Variants in AGBL4 observed in about 807,000 individuals in gnomAD.
The protein encoded by AGBL4 is cytosolic carboxypeptidase 6.
AGBL4 carries 58 observed loss-of-function variants against 66.4 expected under a neutral mutation model. The ratio of observed to expected loss-of-function variants is 0.87; its 90% CI spans 0.71 to 1.09. The LOEUF (loss-of-function observed/expected upper bound fraction) is 1.09. Ranked by LOEUF, AGBL4 falls within the 50% of genes least tolerant of loss-of-function variation. The probability of loss-of-function intolerance (pLI) is 0.00; values close to 1 mark genes in which losing one functional copy is unlikely to be tolerated. For missense variants in AGBL4, 579 were observed against 631.0 expected (o/e 0.92, Z 0.88); for synonymous variants, 234 against 222.9 (o/e 1.05, Z -0.44).
At chr1:49,554,586 G>A (rs1215488592) in intron 3 of AGBL4, among the ~76,000 whole-genome samples, 1 of 152,186 alleles carries the variant, frequency 6.6e-6, no homozygotes, top group Non-Finnish European at 1.5e-5. Context: ...AAGAAAACAT[G>A]CTTGAGAGGA....
At chr1:49,829,080 A>G (rs1264079323) in intron 2 of AGBL4, among the ~76,000 whole-genome samples, 3 of 151,338 alleles carry the variant, frequency 2.0e-5, no homozygotes, top group African/African-American at 7.3e-5. Flanking sequence ...AAAAAAAAAA[A>G]AGAAAGAAAG....
At chr1:48,865,564 C>T (rs893494463) in intron 6 of AGBL4, among the ~76,000 whole-genome samples, 6 of 147,678 alleles carry the variant, frequency 4.1e-5, no homozygotes, top group African/African-American at 1.3e-4. Flanking sequence ...ATTTTTTTTT[C>T]AATCCCAAAG....
chr1:49,371,589 A>T (rs1644346375), intron 3 of AGBL4, among the ~76,000 whole-genome samples: 1 of 152,166 alleles, frequency 6.6e-6, no homozygotes, highest in Non-Finnish European at 1.5e-5. Flanking sequence ...CTTCTCTAAG[A>T]AAACACTTCT....
chr1:48,625,467 T>C (rs994747171), intron 9 of AGBL4, among the ~76,000 whole-genome samples: 3 of 152,086 alleles, frequency 2.0e-5, no homozygotes, highest in Non-Finnish European at 4.4e-5. Context: ...AGAGTTACAG[T>C]GTGTAGTGGA....
At chr1:49,426,217 A>T (rs1645655520) in intron 3 of AGBL4, among the ~76,000 whole-genome samples, 1 of 152,212 alleles carries the variant, frequency 6.6e-6, no homozygotes, top group African/African-American at 2.4e-5. Flanking sequence ...AGAAGAAATG[A>T]GTAGTGATAA....
intron 6 of AGBL4, among the ~76,000 whole-genome samples, chr1:48,676,121 G>A (rs1406269105): frequency 6.6e-6 from 1 of 152,216 alleles, no homozygotes; most frequent in Non-Finnish European, 1.5e-5. Flanking sequence ...GTATGGCCTA[G>A]GTAAGTGGCT....
intron 9 of AGBL4, among the ~76,000 whole-genome samples, chr1:48,623,621 G>A (rs867530560): frequency 9.2e-5 from 14 of 152,384 alleles, no homozygotes; most frequent in Middle Eastern, 6.8e-3. Context: ...CAGTGAATTT[G>A]TCTTGGGCTT....
intron 11 of AGBL4, among the ~76,000 whole-genome samples, chr1:48,582,853 A>G (rs947757779): frequency 2.6e-5 from 4 of 152,198 alleles, no homozygotes; most frequent in African/African-American, 9.7e-5. Flanking sequence ...GTCAGAGAGC[A>G]AAACCCTGGT....
chr1:49,305,534 C>T (rs1195689344), intron 3 of AGBL4, among the ~76,000 whole-genome samples: 1 of 152,084 alleles, frequency 6.6e-6, no homozygotes, highest in Non-Finnish European at 1.5e-5. Flanking sequence ...GAAAAAAATC[C>T]ATATATAAGT....
intron 3 of AGBL4, among the ~76,000 whole-genome samples, chr1:49,473,181 C>T (rs1462469660): frequency 2.6e-5 from 4 of 151,952 alleles, no homozygotes; most frequent in Admixed American, 6.6e-5. Flanking sequence ...TAATGAGATT[C>T]CTAAGTCGAA....
chr1:49,677,017 T>A (rs1433959901), intron 3 of AGBL4, among the ~76,000 whole-genome samples: 1 of 152,106 alleles, frequency 6.6e-6, no homozygotes. Context: ...ATATTCTTTT[T>A]TTTCTTTGTT....
At chr1:49,351,303 G>A (rs1410502042) in intron 3 of AGBL4, among the ~76,000 whole-genome samples, 2 of 152,208 alleles carry the variant, frequency 1.3e-5, no homozygotes, top group African/African-American at 4.8e-5. Flanking sequence ...CCAGTGGTCT[G>A]AATGTGGTCT....
At chr1:49,163,438 G>A (rs1231566058) in intron 4 of AGBL4, among the ~76,000 whole-genome samples, 3 of 152,232 alleles carry the variant, frequency 2.0e-5, no homozygotes, top group Admixed American at 1.3e-4. Flanking sequence ...AAAGTACTTG[G>A]TTCCTTCCTA....
At chr1:49,655,586 C>T (rs754342758) in intron 3 of AGBL4, among the ~76,000 whole-genome samples, 6 of 152,082 alleles carry the variant, frequency 3.9e-5, no homozygotes, top group Non-Finnish European at 8.8e-5. Flanking sequence ...CACTAAATGC[C>T]TACAAGAGAA....
In AGBL4 at chr1:49,107,694, TGAGAGAGAGAGA is replaced by T. The variant is rs56321932; in HGVS notation, c.378-61906_378-61895del. ...GTGTATGTGTGTGTGTGTGTGTGTG[TGAGAGAGAGAGA>T]GAGAGAGAGAGAGAGAGAGAGAGAG... On this transcript the variant is annotated intron_variant, in intron 4 of 13. Transcript: ENST00000371839. Among the ~76,000 whole-genome samples the T allele has an allele frequency of 3.6e-3, 412 of 113,958 alleles. 2 individuals carry two copies. The highest frequency in any genetic ancestry group is 9.4e-3 in the South Asian group (32 of 3,402). 74.8% of individuals were successfully genotyped at this position (113,958 alleles called of 152,430 possible).
At chr1:49,967,002 T>C (rs1657619470) in intron 1 of AGBL4, among the ~76,000 whole-genome samples, 1 of 152,176 alleles carries the variant, frequency 6.6e-6, no homozygotes, top group South Asian at 2.1e-4. Flanking sequence ...TGATTTATAA[T>C]CCTTGGGGTA....
At chr1:49,093,852 C>A (rs1057318791) in intron 4 of AGBL4, among the ~76,000 whole-genome samples, 1 of 152,138 alleles carries the variant, frequency 6.6e-6, no homozygotes, top group Non-Finnish European at 1.5e-5. Context: ...TCTATCTAGA[C>A]TCTGCTTGAA....
chr1:49,962,656 TG>T (rs1657213533), intron 1 of AGBL4, among the ~76,000 whole-genome samples: 1 of 152,174 alleles, frequency 6.6e-6, no homozygotes, highest in Non-Finnish European at 1.5e-5. Context: ...CAATAGTAAG[TG>T]AAGACAAATA....
chr1:49,032,737 T>C lies in AGBL4; in HGVS notation c.594+12847A>G, dbSNP rs1664333792. ...GATTTCCTGGGACATGCTGATAGTT[T>C]GAAGTATGGCTATGGCAGCAGAGAT... On this transcript the variant is annotated intron_variant, in intron 5 of 13. Coordinates refer to ENST00000371839, the MANE Select transcript of AGBL4 (RefSeq NM_032785.4). 1.3e-5 allele frequency among the ~76,000 whole-genome samples: 2 copies of C among 152,176 alleles called. 1 individual carries two copies. The highest frequency in any genetic ancestry group is 4.8e-5 in the African/African-American group (2 of 41,448).
Sources: allele counts gnomAD v4.1 joint callset (sites outside exome capture counted in the v4.1 genomes callset), GRCh38; gene constraint gnomAD v4.1.1; transcripts MANE v1.5; gene names NCBI Gene and HGNC (gene_info 2026-07-23, HGNC 2026-07-21).